ANK2: variants seen among roughly 807,000 people sequenced by gnomAD.
ANK2 encodes ankyrin 2.
A neutral mutation model predicts 360.5 loss-of-function variants in ANK2; 83 were observed. The observed-to-expected ratio is 0.23, with a 90% CI of 0.19 to 0.28. The LOEUF is 0.28. ANK2 is among the 10% of genes least tolerant of loss of function. The pLI, the probability that ANK2 is intolerant of heterozygous loss-of-function variation, is 1.00. For synonymous variants in ANK2, 1,740 were observed against 1,759.5 expected (o/e 0.99, Z 0.28); for missense variants, 4,201 against 4,795.7 (o/e 0.88, Z 3.66).
chr4:113,209,196 G>C (rs1445533513), intron 4 of ANK2, among the ~76,000 whole-genome samples: 1 of 151,976 alleles, frequency 6.6e-6, no homozygotes, highest in African/African-American at 2.4e-5. Context: ...ATGGGAGGGG[G>C]AGAAGGCGAG....
rs72894444 is a variant in ANK2, at chr4:112,994,318, C to T, written c.21+89804C>T. 6.4e-3 allele frequency among the ~76,000 whole-genome samples: 980 copies of T among 152,254 alleles called. 15 individuals are homozygous for T. The highest frequency in any genetic ancestry group is 0.021 in the African/African-American group (892 of 41,550). ...TTCTATAACCCTTGAAGAAAGAACA[C>T]TTCTATGTTTTTGGCACATATTGCA... is the stretch of plus-strand genomic sequence containing the variant. On this transcript the variant is annotated intron_variant, in intron 2 of 30. Coordinates refer to the ANK2 transcript ENST00000503271.
chr4:112,901,304 A>C (rs1414971720), intron 1 of ANK2, among the ~76,000 whole-genome samples: 1 of 152,202 alleles, frequency 6.6e-6, no homozygotes, highest in Non-Finnish European at 1.5e-5. Flanking sequence ...GTATAAATGC[A>C]AGCATACGTT....
the ANK2 span, among the ~76,000 whole-genome samples, chr4:112,785,351 G>GTTTA: frequency 2.0e-5 from 3 of 151,356 alleles, no homozygotes; most frequent in Non-Finnish European, 2.9e-5. Context: ...TTTTCTTTTT[G>GTTTA]TTTATTTATT....
At chr4:112,810,147 ATATATATATATATTTTTTTTTT>A in the ANK2 span, among the ~76,000 whole-genome samples, 9 of 61,134 alleles carry the variant, frequency 1.5e-4, no homozygotes, top group Non-Finnish European at 2.0e-4. Flanking sequence ...ATATATATAT[ATATATATATATATTTTTTTTTT>A]TTTTTTTTTT....
rs765077144 is a variant in ANK2, at chr4:113,359,001, A to G, written c.10383A>G (p.Lys3461=). 1.2e-6 allele frequency: 2 copies of G among 1,614,144 alleles called. No individual in the cohort carries two copies. Among genetic ancestry groups the G allele is most frequent in the Middle Eastern group, 1.6e-4 (1 of 6,062 alleles). ...GCAGGGGGGGCACGAGCCCCACAAA[A>G]GAAAGTAAGGAGCATTTCTTTGACC... ...SSCRGGTSPT[K]ESKEHFFDLY... Residue 3461 remains lysine (K), a synonymous_variant, in exon 38 of 46, where the codon AAA becomes AAG. Coordinates refer to ENST00000357077, the MANE Select transcript of ANK2 (RefSeq NM_001148.6).
At chr4:112,865,235 C>G (rs1246541032) in intron 1 of ANK2, among the ~76,000 whole-genome samples, 1 of 151,916 alleles carries the variant, frequency 6.6e-6, no homozygotes, top group Non-Finnish European at 1.5e-5. Flanking sequence ...TAGTACAAGT[C>G]ATGAAACTTA....
chr4:112,869,442 TA>T (rs2072000264), intron 1 of ANK2, among the ~76,000 whole-genome samples: 1 of 152,098 alleles, frequency 6.6e-6, no homozygotes, highest in South Asian at 2.1e-4. Flanking sequence ...CACACCTGGC[TA>T]ATATTTGAGG....
chr4:113,365,294 A>G, intron 41 of ANK2, 112 bp downstream of exon 41: 2 of 1,152,906 alleles, frequency 1.7e-6, no homozygotes, highest in South Asian at 1.3e-5. Flanking sequence ...TTCAGAAGGT[A>G]GACCATGGCC....
rs372511706 is a variant in ANK2 at position 113,357,678 on chromosome 4, C to T, written c.9060C>T (p.Ser3020=). Residue 3020 remains serine, a synonymous_variant, in exon 38 of 46, where the codon TCC becomes TCT. Transcript: ENST00000357077. ...SVSSSFEPTM[S]ATTTVVGEQI... is the part of the protein sequence containing the mutation. ...CTTCATCTTTCGAGCCTACTATGTCCGCTACAACAACAGTTGTTGGTGAAC... is the reference window on the plus strand; with the variant it reads ...CTTCATCTTTCGAGCCTACTATGTCTGCTACAACAACAGTTGTTGGTGAAC... The T allele has an allele frequency of 4.0e-5, 64 of 1,614,108 alleles. No homozygotes were observed. The highest frequency in any genetic ancestry group is 3.5e-4 in the African/African-American group (26 of 75,038).
In ANK2 at chr4:113,358,016, A is replaced by G. The variant is rs2095908890; in HGVS notation, c.9398A>G (p.Gln3133Arg). 1 of 1,613,898 alleles carries G rather than the reference A, an allele frequency of 6.2e-7. No homozygotes were observed. The highest frequency in any genetic ancestry group is 1.3e-5 in the African/African-American group (1 of 74,908). Reference protein sequence around the residue: ...SYADESFHFFQIGQESREETL... With the variant: ...SYADESFHFFRIGQESREETL... Reference sequence around the variant, plus strand: ...GCAGATGAAAGTTTTCACTTTTTCCAAATTGGTCAAGAATCCAGGGAAGAG... The same window carrying G: ...GCAGATGAAAGTTTTCACTTTTTCCGAATTGGTCAAGAATCCAGGGAAGAG... The change falls in exon 38 of 46, where the codon CAA becomes CGA. Residue 3133 changes from glutamine (Q) to arginine (R), a missense_variant. Around this residue, in one of 4 missense-constraint regions of ANK2, gnomAD observed 2,642 missense variants for 2,714.5 expected, o/e 0.97. Transcript: ENST00000357077.
intron 1 of ANK2, among the ~76,000 whole-genome samples, chr4:113,124,067 G>C (rs1236442924): frequency 6.6e-6 from 1 of 152,184 alleles, no homozygotes; most frequent in Non-Finnish European, 1.5e-5. Flanking sequence ...CAGGAAATAA[G>C]GTTGTGTGTA....
intron 11 of ANK2, among the ~76,000 whole-genome samples, chr4:113,256,450 T>C (rs955896541): frequency 1.4e-4 from 22 of 152,344 alleles, no homozygotes; most frequent in African/African-American, 4.3e-4. Context: ...AGAAAAGTTA[T>C]GCCTAGTGTG....
At chr4:112,961,599 G>A (rs1167555673) in intron 2 of ANK2, among the ~76,000 whole-genome samples, 1 of 152,052 alleles carries the variant, frequency 6.6e-6, no homozygotes, top group Non-Finnish European at 1.5e-5. Context: ...AATACCATTT[G>A]CTTTTTGCAG....
chr4:113,311,124 T>G, intron 23 of ANK2, 131 bp from the exon 24 acceptor site: 1 of 1,104,288 alleles, frequency 9.1e-7, no homozygotes, highest in Non-Finnish European at 1.4e-6. Context: ...TGGTGTTCTG[T>G]GTTCTAGTGT....
chr4:113,012,654 G>GA (rs147543960), intron 2 of ANK2, among the ~76,000 whole-genome samples: 1 of 152,056 alleles, frequency 6.6e-6, no homozygotes, highest in Admixed American at 6.6e-5. Context: ...TAATTTAGCA[G>GA]AAAAAATATG....
At chr4:112,818,244 A>C (rs1001035397) in exon 1 of ANK2, 1 of 152,226 alleles carries the variant, frequency 6.6e-6, no homozygotes, top group African/African-American at 2.4e-5. Flanking sequence ...GGCACATTGC[A>C]GAGAGAAGCT....
intron 24 of ANK2, among the ~76,000 whole-genome samples, chr4:113,315,670 G>A (rs941934202): frequency 3.9e-5 from 6 of 152,202 alleles, no homozygotes; most frequent in Non-Finnish European, 5.9e-5. Context: ...AGGCCAAGGT[G>A]GGCGGATCAC....
At chr4:112,850,331 G>GTCCATCCA (rs139812761) in intron 1 of ANK2, among the ~76,000 whole-genome samples, 19,365 of 143,066 alleles carry the variant, frequency 0.14, 1,493 homozygotes, top group Non-Finnish European at 0.16. Context: ...CCATTCATCT[G>GTCCATCCA]TCCATCCATC....
Position 113,256,006 on chromosome 4 carries a change from A to G in ANK2, c.1188+74A>G. On this transcript the variant is annotated intron_variant, in intron 11 of 45. Transcript: ENST00000357077. ...AACCCACATTCATTGACCAACATGCATACACCAGCAATGCAAGGTTACAGA... is the reference window on the plus strand; with the variant it reads ...AACCCACATTCATTGACCAACATGCGTACACCAGCAATGCAAGGTTACAGA... 6 of 1,508,756 alleles carry G rather than the reference A, an allele frequency of 4.0e-6. No homozygotes were observed. The South Asian group carries it at 6.8e-5, about 17-fold the overall frequency. 93.5% of individuals were successfully genotyped at this position (1,508,756 alleles called of 1,614,324 possible). A position where few individuals can be genotyped will look rare whatever the true frequency, so the allele number is the denominator to read the frequency against.
Sources: allele counts gnomAD v4.1 joint callset (sites outside exome capture counted in the v4.1 genomes callset), GRCh38; gene constraint gnomAD v4.1.1; regional missense constraint gnomAD v4.1.1; transcripts MANE v1.5; gene names NCBI Gene and HGNC (gene_info 2026-07-23, HGNC 2026-07-21).